The following NIM1K variants were observed in gnomAD, a reference collection of about 807,000 sequenced individuals.
NIM1K encodes NIM1 serine/threonine protein kinase, also known as serine/threonine-protein kinase NIM1.
NIM1K carries 35 observed loss-of-function variants against 37.1 expected under a neutral mutation model. That is an observed-to-expected ratio of 0.94 (90% CI 0.72 to 1.25). The LOEUF is 1.25. Among genes scored for constraint, NIM1K ranks in the 50% most tolerant of loss-of-function variants. The pLI is 0.00. For synonymous variants in NIM1K, 234 were observed against 206.6 expected (o/e 1.13, Z -1.14); for missense variants, 564 against 548.0 (o/e 1.03, Z -0.29).
At chr5:43,232,277 G>T in intron 1 of NIM1K, 1 of 1,122,572 alleles carries the variant, frequency 8.9e-7, no homozygotes, top group Non-Finnish European at 1.3e-6. Context: ...CATCTGGTTG[G>T]CAGGCTGAAA....
chr5:43,213,315 C>CTTTTCTTTTG (rs1561075059), intron 1 of NIM1K, among the ~76,000 whole-genome samples: 11 of 113,460 alleles, frequency 9.7e-5, no homozygotes, highest in African/African-American at 3.5e-4. Flanking sequence ...CTTTTCTTTT[C>CTTTTCTTTTG]TTTTCTTTTC....
At position 43,248,864 on chromosome 5, in the gene NIM1K, A is replaced by T. The variant is rs113129236; in HGVS notation, c.292+2797A>T. 1.1e-4 allele frequency among the ~76,000 whole-genome samples: 16 copies of T among 150,006 alleles called. 1 individual carries two copies. The highest frequency in any genetic ancestry group is 2.7e-4 in the African/African-American group (11 of 40,860). ...CACTTGCTCAGTCTTTTTTTTTTTT[A>T]AATTAATTTTAATTAATTAATTATT... On this transcript the variant is annotated intron_variant, in intron 2 of 3. Transcript: ENST00000326035.
chr5:43,261,943 G>T (rs1298325908), intron 2 of NIM1K, among the ~76,000 whole-genome samples: 1 of 152,012 alleles, frequency 6.6e-6, no homozygotes, highest in Non-Finnish European at 1.5e-5. Flanking sequence ...ATTTCAGAGG[G>T]CTCCGTTCTG....
intron 2 of NIM1K, among the ~76,000 whole-genome samples, chr5:43,263,095 G>C (rs562297572): frequency 6.6e-6 from 1 of 152,180 alleles, no homozygotes; most frequent in Non-Finnish European, 1.5e-5. Context: ...TCTCTTCCAG[G>C]TTTTGGTATT....
intron 1 of NIM1K, among the ~76,000 whole-genome samples, chr5:43,210,213 G>A (rs1038903304): frequency 6.6e-6 from 1 of 151,870 alleles, no homozygotes; most frequent in African/African-American, 2.4e-5. Context: ...GAGGAGAGGG[G>A]AAAATTTAAG....
chr5:43,214,577 AG>A (rs1356291304), intron 1 of NIM1K, among the ~76,000 whole-genome samples: 1 of 151,156 alleles, frequency 6.6e-6, no homozygotes, highest in Non-Finnish European at 1.5e-5. Flanking sequence ...GCACTTTGGG[AG>A]GCCGAAGCGG....
chr5:43,259,289 A>C (rs1376436699), intron 2 of NIM1K, among the ~76,000 whole-genome samples: 2 of 152,210 alleles, frequency 1.3e-5, no homozygotes, highest in African/African-American at 4.8e-5. Flanking sequence ...TTGTTGGATC[A>C]AATGGTAGAT....
Position 43,230,160 on chromosome 5 carries a change from T to A in NIM1K, c.-694-14922T>A, listed in dbSNP as rs564883331. On this transcript the variant is annotated intron_variant, in intron 1 of 3. Coordinates refer to ENST00000326035, the MANE Select transcript of NIM1K (RefSeq NM_153361.4). ...AACAAAAGTTGAAACAATAAAGGCT[T>A]AAAGAAGATAGAATCTTATATCTCT... 2.3e-4 allele frequency among the ~76,000 whole-genome samples: 35 copies of A among 152,088 alleles called. No homozygotes were observed. In the South Asian group the frequency reaches 7.3e-3, roughly 32 times the overall value.
intron 1 of NIM1K, among the ~76,000 whole-genome samples, chr5:43,213,202 TTTCTTTCTTTC>T (rs1339974188): frequency 1.2e-4 from 6 of 51,560 alleles, no homozygotes; most frequent in African/African-American, 4.1e-4. Flanking sequence ...TCTTTCTTTC[TTTCTTTCTTTC>T]TTTCTTTCTT....
chr5:43,229,340 C>T (rs1351369863), intron 1 of NIM1K, among the ~76,000 whole-genome samples: 4 of 142,978 alleles, frequency 2.8e-5, no homozygotes, highest in Middle Eastern at 3.6e-3. Flanking sequence ...GCTGAGATCG[C>T]GCCATTGCAC....
intron 1 of NIM1K, among the ~76,000 whole-genome samples, chr5:43,205,903 G>A (rs562583077): frequency 1.6e-4 from 24 of 152,062 alleles, no homozygotes; most frequent in African/African-American, 5.5e-4. Context: ...TAGTAGAGAC[G>A]GGGTTTTACT....
intron 1 of NIM1K, among the ~76,000 whole-genome samples, chr5:43,214,720 G>A (rs866493702): frequency 2.0e-5 from 3 of 150,178 alleles, no homozygotes; most frequent in African/African-American, 7.4e-5. Flanking sequence ...GGAGGCTGAG[G>A]CAGGAGAATG....
intron 1 of NIM1K, chr5:43,240,500 G>A (rs974116932): frequency 3.3e-5 from 5 of 150,564 alleles, no homozygotes; most frequent in African/African-American, 9.8e-5. Flanking sequence ...TTCACCAGAT[G>A]CAATAACTCT....
At chr5:43,246,172 G>C (rs1352568965) in intron 2 of NIM1K, 105 bp downstream of exon 2, 1 of 984,292 alleles carries the variant, frequency 1.0e-6, no homozygotes. Context: ...GACCTCAGCA[G>C]AGCCCCTGCA....
intron 2 of NIM1K, among the ~76,000 whole-genome samples, chr5:43,260,757 C>T (rs914382294): frequency 1.3e-5 from 2 of 152,096 alleles, no homozygotes; most frequent in African/African-American, 4.8e-5. Context: ...CTATCCCTCC[C>T]CCCTTCCCCC....
At chr5:43,203,934 G>A (rs1339730036) in intron 1 of NIM1K, among the ~76,000 whole-genome samples, 1 of 151,460 alleles carries the variant, frequency 6.6e-6, no homozygotes, top group Non-Finnish European at 1.5e-5. Context: ...GCTGAGGCAG[G>A]AGAATCACTT....
At chr5:43,209,907 A>G in intron 1 of NIM1K, among the ~76,000 whole-genome samples, 1 of 152,118 alleles carries the variant, frequency 6.6e-6, no homozygotes, top group African/African-American at 2.4e-5. Context: ...AAGTCACCAC[A>G]CCCGGCCCCG....
At chr5:43,248,206 G>A (rs191812543) in intron 2 of NIM1K, among the ~76,000 whole-genome samples, 3 of 152,136 alleles carry the variant, frequency 2.0e-5, no homozygotes, top group South Asian at 2.1e-4. Flanking sequence ...GTGAACAAAC[G>A]CATTAATGTG....
chr5:43,206,399 CT>C (rs11286971), intron 1 of NIM1K, among the ~76,000 whole-genome samples: 95,333 of 149,402 alleles, frequency 0.64, 30,758 homozygotes, highest in Middle Eastern at 0.66. Flanking sequence ...ACTTGGGAAG[CT>C]TAAGGGAGAA....
Sources: gnomAD v4.1 joint callset for allele counts (sites outside exome capture counted in the v4.1 genomes callset) on GRCh38, gnomAD v4.1.1 for gene constraint, MANE v1.5 for transcripts, NCBI Gene and HGNC (gene_info 2026-07-23, HGNC 2026-07-21) for gene names.